CPNE4: variants seen among roughly 807,000 people sequenced by gnomAD.
CPNE4 encodes the protein copine-4.
In CPNE4, 25 loss-of-function variants were observed where a neutral mutation model predicts 67.9. The observed-to-expected ratio is 0.37, with a 90% CI of 0.27 to 0.51. The LOEUF (loss-of-function observed/expected upper bound fraction) is 0.51. Ranked by LOEUF, CPNE4 falls within the 20% of genes least tolerant of loss-of-function variation. CPNE4 has a pLI of 0.93. For missense variants in CPNE4, 464 were observed against 690.8 expected (o/e 0.67, Z 3.68); for synonymous variants, 242 against 244.9 (o/e 0.99, Z 0.11).
Position 132,034,567 on chromosome 3 carries a change from C to T in CPNE4, c.-2G>A. The T allele has an allele frequency of 2.0e-6, 2 of 984,672 alleles. No homozygotes were observed. The highest frequency in any genetic ancestry group is 2.4e-6 in the Non-Finnish European group (2 of 829,236). 61.0% of individuals were successfully genotyped at this position (984,672 alleles called of 1,614,324 possible). Reference sequence around the variant, plus strand: ...GAATGAAGAGTTGGCATTTACTTACCTGGGTGTGCCAATCTCGAAGAGTGG... The same window carrying T: ...GAATGAAGAGTTGGCATTTACTTACTTGGGTGTGCCAATCTCGAAGAGTGG... On this transcript the variant is annotated splice_region_variant and 5_prime_UTR_variant, in exon 1 of 16. Coordinates refer to ENST00000429747, the MANE Select transcript of CPNE4 (RefSeq NM_130808.3).
intron 15 of CPNE4, among the ~76,000 whole-genome samples, chr3:131,541,072 C>T (rs141658649): frequency 1.4e-4 from 22 of 152,252 alleles, no homozygotes; most frequent in African/African-American, 5.3e-4. Context: ...GAGGGCAAGG[C>T]CTCAGTGGAA....
At chr3:131,850,862 A>AAAC (rs1294366324) in intron 2 of CPNE4, among the ~76,000 whole-genome samples, 1 of 152,100 alleles carries the variant, frequency 6.6e-6, no homozygotes, top group Admixed American at 6.6e-5. Flanking sequence ...ACAGAGTGGG[A>AAAC]ATTCAAACCT....
chr3:131,684,318 G>T (rs2080831661), intron 6 of CPNE4, among the ~76,000 whole-genome samples: 1 of 152,130 alleles, frequency 6.6e-6, no homozygotes, highest in Admixed American at 6.5e-5. Flanking sequence ...CTCTTTTGGT[G>T]GTGGTAATGA....
At chr3:131,857,259 T>C (rs2086484820) in intron 2 of CPNE4, among the ~76,000 whole-genome samples, 1 of 152,104 alleles carries the variant, frequency 6.6e-6, no homozygotes, top group Admixed American at 6.6e-5. Flanking sequence ...GTATCATATA[T>C]TTTTAGCATC....
At chr3:131,620,554 G>T in intron 7 of CPNE4, 1 of 665,508 alleles carries the variant, frequency 1.5e-6, no homozygotes, top group Non-Finnish European at 1.9e-6. Flanking sequence ...CCTGGGACCT[G>T]TGGATATGTT....
chr3:131,563,140 G>T (rs1936871751), intron 11 of CPNE4, among the ~76,000 whole-genome samples: 1 of 152,116 alleles, frequency 6.6e-6, no homozygotes, highest in South Asian at 2.1e-4. Flanking sequence ...TGGTGTGGAG[G>T]ATAACAGGTT....
Position 131,990,459 on chromosome 3 carries a change from CT to C in CPNE4, c.-2+44107del, listed in dbSNP as rs1174698416. On this transcript the variant is annotated intron_variant, in intron 1 of 15. Coordinates refer to ENST00000429747, the MANE Select transcript of CPNE4 (RefSeq NM_130808.3). ...ATAAATGTTGTTTTTGGTTCTTTTTCTTTTTTTTAAACACCCCCTGCCCCCA... is the reference window on the plus strand; with the variant it reads ...ATAAATGTTGTTTTTGGTTCTTTTTCTTTTTTTAAACACCCCCTGCCCCCA... Among the ~76,000 whole-genome samples, 12 of 134,168 alleles carry C rather than the reference CT, an allele frequency of 8.9e-5. No individual in the cohort carries two copies. The South Asian group carries it at 1.6e-3, about 18-fold the overall frequency. 88.0% of individuals were successfully genotyped at this position (134,168 alleles called of 152,430 possible). A position where few individuals can be genotyped will look rare whatever the true frequency, so the allele number is the denominator to read the frequency against.
In CPNE4 at chr3:131,883,413, A is replaced by G. The variant is rs1319989559; in HGVS notation, c.180+21851T>C. On this transcript the variant is annotated intron_variant, in intron 2 of 15. Transcript: ENST00000429747. ...ATTCAGCTCATTTTCAACCACTGTT[A>G]TCTTCTCCATGGCTATTACCTGATC... is the stretch of plus-strand genomic sequence containing the variant. Among the ~76,000 whole-genome samples the G allele has an allele frequency of 4.6e-5, 7 of 152,152 alleles. No individual in the cohort carries two copies. The East Asian group carries it at 1.4e-3, about 29-fold the overall frequency.
chr3:131,950,692 T>C (rs373320894), intron 1 of CPNE4, among the ~76,000 whole-genome samples: 1 of 152,218 alleles, frequency 6.6e-6, no homozygotes, highest in East Asian at 1.9e-4. Context: ...TACTTACAAG[T>C]AGTATTCCTG....
intron 2 of CPNE4, among the ~76,000 whole-genome samples, chr3:131,899,505 GC>G (rs1430814810): frequency 6.6e-6 from 1 of 152,058 alleles, no homozygotes; most frequent in African/African-American, 2.4e-5. Flanking sequence ...ATTCAAGTTT[GC>G]AACCTTTGAA....
At chr3:131,977,948 T>C (rs928646450) in intron 1 of CPNE4, among the ~76,000 whole-genome samples, 1 of 149,266 alleles carries the variant, frequency 6.7e-6, no homozygotes, top group Non-Finnish European at 1.5e-5. Context: ...TTTCCATTCC[T>C]GAGTTATTTC....
At chr3:131,594,845 T>C (rs1206666543) in intron 7 of CPNE4, among the ~76,000 whole-genome samples, 1 of 150,196 alleles carries the variant, frequency 6.7e-6, no homozygotes, top group African/African-American at 2.5e-5. Flanking sequence ...TCCTACAACT[T>C]AACTTAATAG....
At chr3:131,932,664 A>G (rs16838126) in intron 1 of CPNE4, among the ~76,000 whole-genome samples, 29,147 of 151,780 alleles carry the variant, frequency 0.19, 3,061 homozygotes, top group East Asian at 0.31. Context: ...GAACACTTCA[A>G]GCAGAATGAA....
intron 1 of CPNE4, among the ~76,000 whole-genome samples, chr3:131,973,938 C>G (rs1305600011): frequency 6.6e-6 from 1 of 152,176 alleles, no homozygotes; most frequent in Non-Finnish European, 1.5e-5. Flanking sequence ...GTCTGCATTC[C>G]TGGGCTCCTT....
At chr3:131,708,944 C>A (rs2081483275) in intron 3 of CPNE4, among the ~76,000 whole-genome samples, 1 of 78,236 alleles carries the variant, frequency 1.3e-5, no homozygotes, top group African/African-American at 4.3e-5. Context: ...AAATCAGTGT[C>A]TGAGGGCATA....
At chr3:131,603,078 C>G (rs1029034111) in intron 7 of CPNE4, among the ~76,000 whole-genome samples, 1 of 152,092 alleles carries the variant, frequency 6.6e-6, no homozygotes, top group African/African-American at 2.4e-5. Context: ...TGACTTATAT[C>G]TCCACCTGTC....
chr3:131,857,690 G>C (rs187436193), intron 2 of CPNE4, among the ~76,000 whole-genome samples: 1 of 152,088 alleles, frequency 6.6e-6, no homozygotes, highest in Admixed American at 6.6e-5. Flanking sequence ...TCTAAGAAAG[G>C]GTCAATGAAA....
At chr3:131,828,188 T>G (rs1375230760) in intron 2 of CPNE4, among the ~76,000 whole-genome samples, 1 of 152,308 alleles carries the variant, frequency 6.6e-6, no homozygotes, top group East Asian at 1.9e-4. Context: ...CTTTTTTCAT[T>G]GAGAGTCTAA....
intron 2 of CPNE4, among the ~76,000 whole-genome samples, chr3:131,758,768 C>T (rs544309011): frequency 3.3e-5 from 5 of 152,142 alleles, no homozygotes; most frequent in Admixed American, 6.5e-5. Flanking sequence ...AATTGAATCA[C>T]GGGGGCTGGT....
Sources: gnomAD v4.1 joint callset for allele counts (sites outside exome capture counted in the v4.1 genomes callset) on GRCh38, gnomAD v4.1.1 for gene constraint, MANE v1.5 for transcripts, NCBI Gene and HGNC (gene_info 2026-07-23, HGNC 2026-07-21) for gene names.